SLC1A7: variants seen among roughly 807,000 people sequenced by gnomAD.
SLC1A7 encodes solute carrier family 1 member 7, also known as excitatory amino acid transporter 5.
In SLC1A7, 40 loss-of-function variants were observed where a neutral mutation model predicts 47.7. The ratio of observed to expected loss-of-function variants is 0.84; its 90% CI spans 0.65 to 1.09. The LOEUF is 1.09. Ranked by LOEUF, SLC1A7 falls within the 50% of genes least tolerant of loss-of-function variation. The pLI is 0.00. For synonymous variants in SLC1A7, 323 were observed against 325.6 expected (o/e 0.99, Z 0.09); for missense variants, 746 against 769.5 (o/e 0.97, Z 0.36).
In SLC1A7 at chr1:53,103,354, G is replaced by T; in HGVS notation, c.689C>A (p.Ala230Asp). ...AGGTGGGCAGCACATACCCATGGTG[G>T]CAGAGAAGAAGACGATGCCCAGCAC... ...MNVLGIVFFSATMGIMLGRMG... is the reference protein window; with the variant it reads ...MNVLGIVFFSDTMGIMLGRMG... The change falls in exon 5 of 11, where the codon GCC (alanine) becomes GAC (aspartate). Residue 230 changes from alanine to aspartate, a missense_variant. Ala to Asp is a moderately radical substitution (Grantham distance 126). Transcript: ENST00000371494. The T allele has an allele frequency of 4.4e-6, 7 of 1,599,898 alleles. No homozygotes were observed. The highest frequency in any genetic ancestry group is 6.0e-6 in the Non-Finnish European group (7 of 1,173,942).
chr1:53,129,342 A>G (rs190054228), intron 2 of SLC1A7, among the ~76,000 whole-genome samples: 14 of 152,280 alleles, frequency 9.2e-5, no homozygotes, highest in Admixed American at 2.0e-4. Context: ...CTCAGATGCT[A>G]AAAGGCTTGT....
intron 5 of SLC1A7, among the ~76,000 whole-genome samples, chr1:53,096,674 TACAC>T: frequency 6.9e-6 from 1 of 144,492 alleles, no homozygotes; most frequent in Admixed American, 6.8e-5. Flanking sequence ...ACTGCCTCAG[TACAC>T]ACACACACCG....
intron 8 of SLC1A7, chr1:53,090,185 G>A (rs1408341989): frequency 8.5e-6 from 5 of 587,580 alleles, no homozygotes; most frequent in Non-Finnish European, 1.5e-5. Flanking sequence ...CTGGAGCTGT[G>A]CCTCTGTGGG....
intron 5 of SLC1A7, among the ~76,000 whole-genome samples, chr1:53,098,278 G>GT (rs1644524239): frequency 7.4e-6 from 1 of 135,424 alleles, no homozygotes; most frequent in Non-Finnish European, 1.6e-5. Flanking sequence ...CACTGCCTTG[G>GT]TAGGCTCACA....
intron 3 of SLC1A7, among the ~76,000 whole-genome samples, chr1:53,109,636 G>C (rs1432282498): frequency 1.3e-5 from 2 of 152,090 alleles, no homozygotes; most frequent in African/African-American, 2.4e-5. Context: ...TTCTCTTCCT[G>C]GTCATCAGTG....
intron 3 of SLC1A7, among the ~76,000 whole-genome samples, chr1:53,112,503 G>C (rs558986660): frequency 6.6e-6 from 1 of 152,260 alleles, no homozygotes; most frequent in Non-Finnish European, 1.5e-5. Context: ...TACAGGGAAC[G>C]AGAGTTTCTT....
At chr1:53,133,626 C>T (rs1644962727) in intron 2 of SLC1A7, among the ~76,000 whole-genome samples, 1 of 152,168 alleles carries the variant, frequency 6.6e-6, no homozygotes, top group Non-Finnish European at 1.5e-5. Flanking sequence ...ATCTGGAATA[C>T]TCAAGACCTG....
Position 53,106,984 on chromosome 1 carries a change from G to A in SLC1A7, c.432-1210C>T, listed in dbSNP as rs1054270028. Among the ~76,000 whole-genome samples, 7 of 151,688 alleles carry A rather than the reference G, an allele frequency of 4.6e-5. No individual in the cohort carries two copies. In the South Asian group the frequency reaches 6.2e-4, roughly 14 times the overall value. Reference sequence around the variant, plus strand: ...AGCCTGGCCAACATGGCGAAACCCCGTCTCTACTAAAAAATACAAAAATTA... The same window carrying A: ...AGCCTGGCCAACATGGCGAAACCCCATCTCTACTAAAAAATACAAAAATTA... On this transcript the variant is annotated intron_variant, in intron 3 of 10. Transcript: ENST00000371494.
chr1:53,120,988 G>A lies in SLC1A7; in HGVS notation c.216-6015C>T, dbSNP rs549373617. Among the ~76,000 whole-genome samples the A allele has an allele frequency of 3.9e-4, 59 of 152,386 alleles. No individual in the cohort carries two copies. The South Asian group carries it at 3.9e-3, about 10-fold the overall frequency. ...CTGGGTGTGCCTCAGTTTCCACTGA[G>A]GATGAGTGCGGATGATGCCGGTTTG... On this transcript the variant is annotated intron_variant, in intron 2 of 10. Transcript: ENST00000371494.
intron 3 of SLC1A7, chr1:53,114,556 G>A (rs561617389): frequency 5.4e-5 from 32 of 593,608 alleles, no homozygotes; most frequent in Admixed American, 3.5e-4. Flanking sequence ...GGCAGACCCC[G>A]TCCAGGCTGC....
At chr1:53,097,538 C>T (rs557476830) in intron 5 of SLC1A7, among the ~76,000 whole-genome samples, 33 of 151,622 alleles carry the variant, frequency 2.2e-4, no homozygotes, top group African/African-American at 7.3e-4. Flanking sequence ...GGTACAATCA[C>T]AAAACCCGCC....
intron 2 of SLC1A7, among the ~76,000 whole-genome samples, chr1:53,121,884 G>A (rs1317725461): frequency 6.6e-6 from 1 of 152,176 alleles, no homozygotes; most frequent in African/African-American, 2.4e-5. Flanking sequence ...GAAGCCCGGG[G>A]GCTGGTGGAG....
chr1:53,099,643 C>G (rs1644548348), intron 5 of SLC1A7, among the ~76,000 whole-genome samples: 1 of 150,992 alleles, frequency 6.6e-6, no homozygotes, highest in Non-Finnish European at 1.5e-5. Flanking sequence ...ACTCACACAC[C>G]CCGTCTGAGT....
chr1:53,141,666 T>C (rs1013150022), intron 1 of SLC1A7, among the ~76,000 whole-genome samples: 2 of 148,496 alleles, frequency 1.3e-5, no homozygotes, highest in African/African-American at 2.5e-5. Context: ...CTCCCCCTTT[T>C]GAAAACAGTT....
chr1:53,136,548 T>TATATAAACATATCTA (rs1557693258), intron 1 of SLC1A7, among the ~76,000 whole-genome samples: 1 of 40,422 alleles, frequency 2.5e-5, no homozygotes, highest in African/African-American at 9.2e-5. Flanking sequence ...ATATATATAA[T>TATATAAACATATCTA]ATATATAAAC....
chr1:53,088,502 C>T (rs1644384338), intron 10 of SLC1A7, among the ~76,000 whole-genome samples: 1 of 152,176 alleles, frequency 6.6e-6, no homozygotes, highest in Admixed American at 6.5e-5. Context: ...ACCTCAGCTT[C>T]TTCCCCATGA....
In SLC1A7 at chr1:53,090,764, G is replaced by C. The variant is rs1247724984; in HGVS notation, c.1074C>G (p.Asn358Lys). The C allele has an allele frequency of 6.2e-7, 1 of 1,613,660 alleles. No individual in the cohort carries two copies. The highest frequency in any genetic ancestry group is 1.1e-5 in the South Asian group (1 of 90,926). The change falls in exon 8 of 11, where the codon AAC becomes AAG. Residue 358 changes from asparagine to lysine, a missense_variant. Physicochemically the swap from Asn to Lys is moderately conservative, Grantham distance 94 (BLOSUM62 0). Coordinates refer to ENST00000371494, the MANE Select transcript of SLC1A7 (RefSeq NM_006671.6). Reference sequence around the variant, plus strand: ...GAGCGATGCGCCGGTCGATGTGGTTGTTCTCCAGCAGGCACTTGAAGGTGA... The same window carrying C: ...GAGCGATGCGCCGGTCGATGTGGTTCTTCTCCAGCAGGCACTTGAAGGTGA... ...LPITFKCLLE[N>K]NHIDRRIARF...
At chr1:53,107,415 T>C (rs1644656114) in intron 3 of SLC1A7, among the ~76,000 whole-genome samples, 1 of 152,182 alleles carries the variant, frequency 6.6e-6, no homozygotes, top group Non-Finnish European at 1.5e-5. Context: ...TAGTTAATAG[T>C]GTTGTACCAA....
chr1:53,090,768 T>G lies in SLC1A7; in HGVS notation c.1070A>C (p.Glu357Ala). 6.2e-7 allele frequency: 1 copy of G among 1,613,530 alleles called. No individual in the cohort carries two copies. The highest frequency in any genetic ancestry group is 8.5e-7 in the Non-Finnish European group (1 of 1,179,778). ...TLPITFKCLL[E>A]NNHIDRRIAR... is the part of the protein sequence containing the mutation. ...GATGCGCCGGTCGATGTGGTTGTTC[T>G]CCAGCAGGCACTTGAAGGTGATGGG... is the stretch of plus-strand genomic sequence containing the variant. Residue 357 changes from glutamate (E) to alanine (A), a missense_variant, in exon 8 of 11, where the codon GAG (glutamate) becomes GCG (alanine). Coordinates refer to ENST00000371494, the MANE Select transcript of SLC1A7 (RefSeq NM_006671.6).
Sources: allele counts gnomAD v4.1 joint callset (sites outside exome capture counted in the v4.1 genomes callset), GRCh38; gene constraint gnomAD v4.1.1; transcripts MANE v1.5; gene names NCBI Gene and HGNC (gene_info 2026-07-23, HGNC 2026-07-21).